Variants in LRRIQ1 observed in about 807,000 individuals in gnomAD.
The protein encoded by LRRIQ1 is leucine-rich repeat- and IQ domain-containing protein 1.
Under a neutral mutation model 211.9 loss-of-function variants are expected in LRRIQ1, and 210 were observed. The ratio of observed to expected loss-of-function variants is 0.99; its 90% CI spans 0.89 to 1.11. The LOEUF (loss-of-function observed/expected upper bound fraction) is 1.11, where lower values mean the gene tolerates loss of function less well. Ranked by LOEUF, LRRIQ1 falls within the 50% of genes most tolerant of loss-of-function variation. The pLI, the probability that LRRIQ1 is intolerant of heterozygous loss-of-function variation, is 0.00. For synonymous variants in LRRIQ1, 699 were observed against 650.1 expected (o/e 1.08, Z -1.14); for missense variants, 2,136 against 1,939.5 (o/e 1.10, Z -1.90).
rs1263186845 is a variant in LRRIQ1, at chr12:85,056,923, T to C, written c.2130T>C (p.Asn710=). The change falls in exon 8 of 27, where the codon AAT becomes AAC. Residue 710 remains asparagine, a synonymous_variant. Coordinates refer to ENST00000393217, the MANE Select transcript of LRRIQ1 (RefSeq NM_001079910.2). ...ACTCTCTTAAATCTGAGATTAGAAA[T>C]ATTTCAGAAAAATGCCATGAAAATG... ...EVNSLKSEIR[N]ISEKCHENAP... 3.7e-6 allele frequency: 6 copies of C among 1,612,802 alleles called. No individual in the cohort carries two copies. The African/African-American group carries it at 8.0e-5, about 22-fold the overall frequency.
intron 24 of LRRIQ1, among the ~76,000 whole-genome samples, chr12:85,225,906 T>C (rs144233532): frequency 1.0e-3 from 154 of 152,318 alleles, no homozygotes; most frequent in African/African-American, 3.6e-3. Flanking sequence ...TGAAATGATT[T>C]TGCTGAGACA....
intron 20 of LRRIQ1, 111 bp from the exon 21 acceptor site, chr12:85,152,913 A>G (rs186918921): frequency 2.3e-5 from 13 of 557,006 alleles, no homozygotes; most frequent in South Asian, 4.4e-5. Flanking sequence ...TTTTAATTTT[A>G]TAATGAGTTT....
At chr12:85,266,407 G>A (rs971016134), downstream of LRRIQ1, among the ~76,000 whole-genome samples, 2 of 152,092 alleles carry the variant, frequency 1.3e-5, no homozygotes, top group East Asian at 1.9e-4. Context: ...CAAGTATAAT[G>A]CATTTATAAC....
chr12:85,217,632 ATATG>A (rs1260321947), intron 24 of LRRIQ1, among the ~76,000 whole-genome samples: 7 of 138,848 alleles, frequency 5.0e-5, no homozygotes, highest in Non-Finnish European at 1.1e-4. Context: ...ATATATGTAT[ATATG>A]TATATATATG....
intron 15 of LRRIQ1, among the ~76,000 whole-genome samples, chr12:85,111,860 A>G (rs1384804947): frequency 6.6e-6 from 1 of 151,906 alleles, no homozygotes; most frequent in Non-Finnish European, 1.5e-5. Context: ...GCCCCAAATT[A>G]TTGTACAGAT....
At chr12:85,091,971 G>A (rs1209476429) in intron 11 of LRRIQ1, among the ~76,000 whole-genome samples, 2 of 152,122 alleles carry the variant, frequency 1.3e-5, no homozygotes, top group African/African-American at 4.8e-5. Context: ...GCTCACTGCT[G>A]TTTGCATTAC....
chr12:85,103,352 A>G (rs2136305603), intron 13 of LRRIQ1, among the ~76,000 whole-genome samples: 1 of 151,802 alleles, frequency 6.6e-6, no homozygotes, highest in East Asian at 1.9e-4. Context: ...CTATTGAGGT[A>G]AAACATTTTG....
At chr12:85,237,987 C>A (rs764408754) in intron 26 of LRRIQ1, among the ~76,000 whole-genome samples, 9 of 151,698 alleles carry the variant, frequency 5.9e-5, no homozygotes, top group Non-Finnish European at 8.8e-5. Flanking sequence ...AAGATTCTTG[C>A]CTGCAAGTTA....
intron 13 of LRRIQ1, among the ~76,000 whole-genome samples, chr12:85,101,207 G>T (rs2136292860): frequency 6.6e-6 from 1 of 151,896 alleles, no homozygotes; most frequent in South Asian, 2.1e-4. Flanking sequence ...TCACAAAGAA[G>T]ATATTATGTG....
chr12:85,103,163 G>T (rs527786317), intron 13 of LRRIQ1, among the ~76,000 whole-genome samples: 1 of 150,140 alleles, frequency 6.7e-6, no homozygotes, highest in South Asian at 2.1e-4. Context: ...TTCCAATGAC[G>T]TGGGTATTTT....
chr12:85,175,789 T>G (rs543020838), intron 24 of LRRIQ1, among the ~76,000 whole-genome samples: 1 of 152,120 alleles, frequency 6.6e-6, no homozygotes, highest in Admixed American at 6.6e-5. Flanking sequence ...TTGTTTTTGT[T>G]AGGTTTGTCA....
In LRRIQ1 at chr12:85,232,655, A is replaced by G. The variant is rs771588882; in HGVS notation, c.4956-41A>G. 58 of 1,537,058 alleles carry G rather than the reference A, an allele frequency of 3.8e-5. 2 individuals are homozygous for G. The South Asian group carries it at 6.0e-4, about 16-fold the overall frequency. On this transcript the variant is annotated intron_variant, in intron 25 of 26. Transcript: ENST00000393217. ...CGTTTCTTTTATATGCTTCCTCTACATTTACATTATAAAATACTTTCTGTT... is the reference window on the plus strand; with the variant it reads ...CGTTTCTTTTATATGCTTCCTCTACGTTTACATTATAAAATACTTTCTGTT...
At chr12:85,215,791 C>A (rs544612933) in intron 24 of LRRIQ1, among the ~76,000 whole-genome samples, 2 of 151,876 alleles carry the variant, frequency 1.3e-5, no homozygotes, top group Admixed American at 1.3e-4. Context: ...TACAGTACAG[C>A]AATAAAAAAA....
At chr12:85,144,836 C>T (rs1399005629) in intron 19 of LRRIQ1, among the ~76,000 whole-genome samples, 1 of 151,570 alleles carries the variant, frequency 6.6e-6, no homozygotes, top group African/African-American at 2.4e-5. Context: ...GCGGAGATTA[C>T]TTCATGTGAC....
chr12:85,146,948 C>T lies in LRRIQ1; in HGVS notation c.4330-5332C>T, dbSNP rs570173220. 6.6e-5 allele frequency among the ~76,000 whole-genome samples: 10 copies of T among 151,830 alleles called. No homozygotes were observed. In the South Asian group the frequency reaches 1.5e-3, roughly 22 times the overall value. ...TCTATATTACCTTCCATGCATTTTTCCTAATCATTGCCTAGGAAGTGACTG... is the reference window on the plus strand; with the variant it reads ...TCTATATTACCTTCCATGCATTTTTTCTAATCATTGCCTAGGAAGTGACTG... On this transcript the variant is annotated intron_variant, in intron 19 of 26. Transcript: ENST00000393217.
chr12:85,261,190 G>T (rs1424859360), intron 1 of LRRIQ1, among the ~76,000 whole-genome samples: 1 of 152,006 alleles, frequency 6.6e-6, no homozygotes, highest in Non-Finnish European at 1.5e-5. Flanking sequence ...AGTCTTTATT[G>T]TATCCTGCAT....
chr12:85,058,538 G>A (rs746025337), intron 8 of LRRIQ1, among the ~76,000 whole-genome samples: 2 of 152,002 alleles, frequency 1.3e-5, no homozygotes, highest in African/African-American at 2.4e-5. Context: ...AGAAACAGTA[G>A]TGTTCCTCCC....
At chr12:85,125,304 T>C (rs1479728522) in intron 17 of LRRIQ1, among the ~76,000 whole-genome samples, 1 of 152,218 alleles carries the variant, frequency 6.6e-6, no homozygotes, top group Non-Finnish European at 1.5e-5. Context: ...TGCTATAGTT[T>C]TTTGGCATTA....
At chr12:85,139,148 G>A (rs1889347147) in intron 19 of LRRIQ1, among the ~76,000 whole-genome samples, 1 of 151,348 alleles carries the variant, frequency 6.6e-6, no homozygotes, top group Non-Finnish European at 1.5e-5. Context: ...GAATGAGTTG[G>A]TAAACCTCTT....
Sources: gnomAD v4.1 joint callset for allele counts (sites outside exome capture counted in the v4.1 genomes callset) on GRCh38, gnomAD v4.1.1 for gene constraint, MANE v1.5 for transcripts, NCBI Gene and HGNC (gene_info 2026-07-23, HGNC 2026-07-21) for gene names.